Variants in NF2 observed in about 807,000 individuals in gnomAD.
NF2 encodes merlin.
Under a neutral mutation model 83.7 loss-of-function variants are expected in NF2, and 8 were observed. The observed-to-expected ratio is 0.10, with a 90% CI of 0.06 to 0.17. The LOEUF (loss-of-function observed/expected upper bound fraction) is 0.17. Among genes scored for constraint, NF2 ranks in the 10% least tolerant of loss-of-function variants. The pLI is 1.00. For missense variants in NF2, 533 were observed against 744.4 expected (o/e 0.72, Z 3.31); for synonymous variants, 266 against 269.6 (o/e 0.99, Z 0.13).
chr22:29,635,454 G>A lies in NF2; in HGVS notation c.115-1297G>A, dbSNP rs569639958. On this transcript the variant is annotated intron_variant, in intron 1 of 15. Transcript: ENST00000338641. ...AGTGATTCCCCTGCCTCAGCCTCCC[G>A]AGTAGCTGGGACTACAGGCATGCGC... Among the ~76,000 whole-genome samples, 13 of 151,748 alleles carry A rather than the reference G, an allele frequency of 8.6e-5. No homozygotes were observed. The East Asian group carries it at 2.3e-3, about 27-fold the overall frequency.
chr22:29,693,393 T>G (rs867457679), intron 15 of NF2, among the ~76,000 whole-genome samples: 1 of 152,200 alleles, frequency 6.6e-6, no homozygotes, highest in African/African-American at 2.4e-5. Flanking sequence ...GCCAAAAGAT[T>G]TGGCAGGATT....
At chr22:29,631,120 T>G (rs1268493463) in intron 1 of NF2, among the ~76,000 whole-genome samples, 1 of 152,176 alleles carries the variant, frequency 6.6e-6, no homozygotes, top group Non-Finnish European at 1.5e-5. Flanking sequence ...GGGCTGAAGC[T>G]GCATATTCAG....
intron 15 of NF2, among the ~76,000 whole-genome samples, chr22:29,691,962 G>T (rs374345123): frequency 1.1e-4 from 17 of 152,244 alleles, no homozygotes; most frequent in East Asian, 7.7e-4. Context: ...AGCCATGGGG[G>T]TGGCCTCCAG....
intron 1 of NF2, among the ~76,000 whole-genome samples, chr22:29,632,850 A>G (rs2065552092): frequency 1.3e-5 from 2 of 152,306 alleles, no homozygotes; most frequent in Non-Finnish European, 2.9e-5. Context: ...AGATGTTCAG[A>G]GGACAGTGAG....
At chr22:29,673,923 G>A (rs965371270) in intron 12 of NF2, among the ~76,000 whole-genome samples, 1 of 152,220 alleles carries the variant, frequency 6.6e-6, no homozygotes, top group Non-Finnish European at 1.5e-5. Context: ...GCTAGTGCCT[G>A]CATCCCCCAG....
intron 14 of NF2, 41 bp from the exon 15 acceptor site, chr22:29,681,398 G>A: frequency 1.9e-6 from 3 of 1,611,936 alleles, no homozygotes; most frequent in Non-Finnish European, 2.5e-6. Flanking sequence ...GTGTCTCACT[G>A]TCTGCCCAAG....
intron 14 of NF2, among the ~76,000 whole-genome samples, chr22:29,679,034 T>C (rs2067050847): frequency 6.6e-6 from 1 of 152,234 alleles, no homozygotes; most frequent in South Asian, 2.1e-4. Context: ...ATGCATTGAG[T>C]GCCTGTGTGT....
At chr22:29,690,197 C>T (rs1052071046) in intron 15 of NF2, among the ~76,000 whole-genome samples, 4 of 152,216 alleles carry the variant, frequency 2.6e-5, no homozygotes, top group Admixed American at 2.6e-4. Flanking sequence ...TGAGGAGGAA[C>T]AGTTGAAGAT....
intron 1 of NF2, among the ~76,000 whole-genome samples, chr22:29,635,105 C>T (rs1413359267): frequency 6.6e-6 from 1 of 152,078 alleles, no homozygotes; most frequent in Non-Finnish European, 1.5e-5. Flanking sequence ...ATTCTTCCAT[C>T]TAGGTTGCTG....
At chr22:29,681,378 C>A in intron 14 of NF2, 61 bp from the exon 15 acceptor site, 1 of 1,601,742 alleles carries the variant, frequency 6.2e-7, no homozygotes, top group East Asian at 2.2e-5. Context: ...GGCCGCAGAG[C>A]ACCTGAGCCG....
intron 1 of NF2, among the ~76,000 whole-genome samples, chr22:29,615,966 T>G (rs1207368509): frequency 6.6e-6 from 1 of 152,250 alleles, no homozygotes; most frequent in African/African-American, 2.4e-5. Context: ...ATGTGGTCTA[T>G]CCTTACTATG....
At chr22:29,628,941 T>C (rs114790848) in intron 1 of NF2, among the ~76,000 whole-genome samples, 209 of 152,236 alleles carry the variant, frequency 1.4e-3, no homozygotes, top group African/African-American at 4.6e-3. Flanking sequence ...TCCAAGTTTG[T>C]GAGATCTTGC....
At chr22:29,631,252 TC>T (rs1192507491) in intron 1 of NF2, among the ~76,000 whole-genome samples, 3 of 152,314 alleles carry the variant, frequency 2.0e-5, no homozygotes, top group African/African-American at 7.2e-5. Flanking sequence ...GACCTGCTGT[TC>T]CCTCAGGCTG....
At chr22:29,689,425 CCTCCCCCG>C (rs1458178431) in intron 15 of NF2, among the ~76,000 whole-genome samples, 1 of 151,914 alleles carries the variant, frequency 6.6e-6, no homozygotes, top group Non-Finnish European at 1.5e-5. Context: ...GTGTCTACAC[CCTCCCCCG>C]CTCCTTCGTT....
chr22:29,694,768 C>T lies in NF2; in HGVS notation c.1754C>T (p.Ala585Val). The T allele has an allele frequency of 6.2e-7, 1 of 1,613,880 alleles. No homozygotes were observed. The highest frequency in any genetic ancestry group is 8.5e-7 in the Non-Finnish European group (1 of 1,179,922). ...TTCTTACAGCTCACCTTGCAGAGCG[C>T]CAAGTCCCGAGTGGCCTTCTTTGAA... ...NTIKKLTLQSAKSRVAFFEEL is the reference protein window; with the variant it reads ...NTIKKLTLQSVKSRVAFFEEL Residue 585 changes from alanine (A) to valine (V), a missense_variant, in exon 16 of 16, where the codon GCC (alanine) becomes GTC (valine). Around this residue, in one of 3 missense-constraint regions of NF2, gnomAD observed 199 missense variants for 240.7 expected, o/e 0.83. Transcript: ENST00000338641. This position sits in a 1 kb window ranked among gnomAD's most constrained non-coding sequence, Gnocchi z 4.1.
intron 15 of NF2, among the ~76,000 whole-genome samples, chr22:29,689,441 GT>G (rs1241444146): frequency 4.6e-5 from 7 of 151,926 alleles, no homozygotes; most frequent in Admixed American, 6.6e-5. Context: ...CCGCTCCTTC[GT>G]TTTCAATATG....
At chr22:29,660,712 G>A (rs974665133) in intron 7 of NF2, among the ~76,000 whole-genome samples, 14 of 151,876 alleles carry the variant, frequency 9.2e-5, no homozygotes, top group African/African-American at 3.1e-4. Context: ...ACAGGCGCGT[G>A]CCACCATGCC....
intron 1 of NF2, among the ~76,000 whole-genome samples, chr22:29,621,200 G>T (rs1199151295): frequency 1.3e-5 from 2 of 152,166 alleles, no homozygotes; most frequent in Non-Finnish European, 2.9e-5. Context: ...CAGTTTCCTT[G>T]TTGGGGCCGC....
chr22:29,653,412 C>A (rs905136644), intron 4 of NF2, among the ~76,000 whole-genome samples: 1 of 146,690 alleles, frequency 6.8e-6, no homozygotes, highest in Non-Finnish European at 1.5e-5. Flanking sequence ...CCATTGCACT[C>A]CAGCCTGGGT....
Sources: allele counts gnomAD v4.1 joint callset (sites outside exome capture counted in the v4.1 genomes callset), GRCh38; gene constraint gnomAD v4.1.1; regional missense constraint gnomAD v4.1.1; non-coding constraint Gnocchi (gnomAD v3.1); transcripts MANE v1.5; gene names NCBI Gene and HGNC (gene_info 2026-07-23, HGNC 2026-07-21).